The following PAMR1 variants were observed in gnomAD, a reference collection of about 807,000 sequenced individuals.
The protein encoded by PAMR1 is peptidase domain containing associated with muscle regeneration 1.
PAMR1 carries 88 observed loss-of-function variants against 81.8 expected under a neutral mutation model. That is an observed-to-expected ratio of 1.08 (90% CI 0.91 to 1.28). The LOEUF (loss-of-function observed/expected upper bound fraction) is 1.28, where lower values mean the gene tolerates loss of function less well. Among genes scored for constraint, PAMR1 ranks in the 50% most tolerant of loss-of-function variants. The pLI is 0.00. For synonymous variants in PAMR1, 336 were observed against 345.3 expected (o/e 0.97, Z 0.30); for missense variants, 935 against 919.7 (o/e 1.02, Z -0.21).
chr11:35,481,364 T>C (rs923051546), intron 3 of PAMR1, among the ~76,000 whole-genome samples: 3 of 152,202 alleles, frequency 2.0e-5, no homozygotes, highest in African/African-American at 7.2e-5. Context: ...CTCACCAGCA[T>C]CTATCATTTC....
intron 7 of PAMR1, 103 bp downstream of exon 7, chr11:35,441,378 G>T: frequency 1.3e-6 from 1 of 790,834 alleles, no homozygotes; most frequent in Non-Finnish European, 2.1e-6. Context: ...GGACTTAAAA[G>T]AGAAAGGCAT....
At chr11:35,511,257 C>T (rs1184118909) in intron 1 of PAMR1, among the ~76,000 whole-genome samples, 1 of 152,232 alleles carries the variant, frequency 6.6e-6, no homozygotes, top group Non-Finnish European at 1.5e-5. Flanking sequence ...TGTAATCCCT[C>T]AAACAGCAGG....
chr11:35,524,528 C>T (rs909813385), intron 1 of PAMR1, among the ~76,000 whole-genome samples: 16 of 152,302 alleles, frequency 1.1e-4, no homozygotes, highest in African/African-American at 3.8e-4. Context: ...GCACCCAGCT[C>T]TCAGATAGAG....
At chr11:35,449,375 T>C (rs1159452289) in intron 6 of PAMR1, among the ~76,000 whole-genome samples, 7 of 152,164 alleles carry the variant, frequency 4.6e-5, no homozygotes, top group African/African-American at 1.7e-4. Flanking sequence ...AGAGGCTCTG[T>C]CCCAGGAAGA....
At chr11:35,443,544 C>T (rs1389031650) in intron 6 of PAMR1, among the ~76,000 whole-genome samples, 1 of 152,120 alleles carries the variant, frequency 6.6e-6, no homozygotes, top group Non-Finnish European at 1.5e-5. Context: ...TGATTTTGTT[C>T]CTTTTTATGG....
intron 3 of PAMR1, among the ~76,000 whole-genome samples, chr11:35,477,988 C>T (rs1453870114): frequency 6.6e-6 from 1 of 152,188 alleles, no homozygotes; most frequent in East Asian, 1.9e-4. Flanking sequence ...AAGAAGCCTT[C>T]CTGCACAGCC....
At chr11:35,507,162 T>C (rs1850979633) in intron 1 of PAMR1, among the ~76,000 whole-genome samples, 2 of 148,334 alleles carry the variant, frequency 1.3e-5, no homozygotes, top group Non-Finnish European at 3.0e-5. Flanking sequence ...TTCTCCTGCC[T>C]CAGCCTTCCC....
At chr11:35,493,738 A>G (rs368971252) in intron 2 of PAMR1, among the ~76,000 whole-genome samples, 226 of 152,258 alleles carry the variant, frequency 1.5e-3, no homozygotes, top group African/African-American at 5.2e-3. Flanking sequence ...ACTACACTGT[A>G]TGGTAGCTGC....
intron 6 of PAMR1, among the ~76,000 whole-genome samples, chr11:35,448,751 G>A (rs1203562905): frequency 6.6e-6 from 1 of 152,178 alleles, no homozygotes; most frequent in African/African-American, 2.4e-5. Context: ...GCACTTTTAT[G>A]TTGATTTTTT....
intron 6 of PAMR1, among the ~76,000 whole-genome samples, chr11:35,455,796 A>C (rs1351207948): frequency 6.6e-6 from 1 of 152,186 alleles, no homozygotes; most frequent in Non-Finnish European, 1.5e-5. Context: ...TTAATATAGA[A>C]ATTTTTTATT....
At chr11:35,511,077 C>T (rs200051407) in intron 1 of PAMR1, among the ~76,000 whole-genome samples, 1 of 152,248 alleles carries the variant, frequency 6.6e-6, no homozygotes, top group East Asian at 1.9e-4. Flanking sequence ...TGCTGACCAA[C>T]TGGCACAGGT....
chr11:35,436,338 G>A, intron 8 of PAMR1: 2 of 534,914 alleles, frequency 3.7e-6, no homozygotes, highest in Non-Finnish European at 6.7e-6. Context: ...AGGATGGAGT[G>A]TAGTGATGCG....
At chr11:35,479,379 G>T (rs180706622) in intron 3 of PAMR1, among the ~76,000 whole-genome samples, 5 of 152,288 alleles carry the variant, frequency 3.3e-5, no homozygotes, top group East Asian at 1.9e-4. Flanking sequence ...GAGAATATTT[G>T]TACCTGCAAC....
rs571039474 is a variant in PAMR1 at position 35,467,042 on chromosome 11, C to T, written c.820+959G>A. On this transcript the variant is annotated intron_variant, in intron 6 of 10. Coordinates refer to ENST00000619888, the MANE Select transcript of PAMR1 (RefSeq NM_001001991.3). ...ATGCATAGAAAGCCATATGTGCCCACGGTTTATGTCCTCCAGTTCCCCAGG... is the reference window on the plus strand; with the variant it reads ...ATGCATAGAAAGCCATATGTGCCCATGGTTTATGTCCTCCAGTTCCCCAGG... Among the ~76,000 whole-genome samples, 6 of 152,246 alleles carry T rather than the reference C, an allele frequency of 3.9e-5. No individual in the cohort carries two copies. The South Asian group carries it at 1.0e-3, about 26-fold the overall frequency.
At chr11:35,488,782 AG>A (rs1481447603) in intron 3 of PAMR1, among the ~76,000 whole-genome samples, 4 of 141,918 alleles carry the variant, frequency 2.8e-5, no homozygotes, top group Non-Finnish European at 4.5e-5. Context: ...CATGTTGCTC[AG>A]GCTGGTCTCG....
rs1206793618 is a variant in PAMR1 at position 35,441,484 on chromosome 11, T to G, written c.1030A>C (p.Lys344Gln). The G allele has an allele frequency of 6.2e-7, 1 of 1,609,220 alleles. No homozygotes were observed. Among genetic ancestry groups the G allele is most frequent in the African/African-American group, 1.3e-5 (1 of 74,736 alleles). ...EWSGKQPICI[K>Q]ACREPKISDL... ...TTCAGAAACAATTGTAAGTTACCTT[T>G]TATGCAGATGGGCTGTTTCCCTGAC... is the stretch of plus-strand genomic sequence containing the variant. Residue 344 changes from lysine (K) to glutamine (Q), a missense_variant, in exon 7 of 11, where the codon AAA becomes CAA. Lys to Gln is a moderately conservative substitution (Grantham distance 53, BLOSUM62 1). Transcript: ENST00000619888.
intron 8 of PAMR1, among the ~76,000 whole-genome samples, chr11:35,437,943 C>T (rs1008408963): frequency 6.6e-6 from 1 of 152,206 alleles, no homozygotes. Flanking sequence ...TGGAAGGAGA[C>T]AGCCTGAGGA....
intron 1 of PAMR1, among the ~76,000 whole-genome samples, chr11:35,502,876 C>A (rs908379479): frequency 6.6e-6 from 1 of 152,140 alleles, no homozygotes; most frequent in African/African-American, 2.4e-5. Flanking sequence ...TTTTTGCTTT[C>A]ATTGCTGTGC....
chr11:35,482,929 T>A (rs977195473), intron 3 of PAMR1, among the ~76,000 whole-genome samples: 1 of 152,234 alleles, frequency 6.6e-6, no homozygotes, highest in African/African-American at 2.4e-5. Flanking sequence ...TCTTTTCCTG[T>A]CAATCTTTTA....
Sources: gnomAD v4.1 joint callset for allele counts (sites outside exome capture counted in the v4.1 genomes callset) on GRCh38, gnomAD v4.1.1 for gene constraint, MANE v1.5 for transcripts, NCBI Gene and HGNC (gene_info 2026-07-23, HGNC 2026-07-21) for gene names.